The following SDK1 variants were observed in gnomAD, a reference collection of about 807,000 sequenced individuals.
SDK1 encodes the protein sidekick cell adhesion molecule 1, also known as protein sidekick-1.
Under a neutral mutation model 245.5 loss-of-function variants are expected in SDK1, and 157 were observed. That is an observed-to-expected ratio of 0.64 (90% CI 0.56 to 0.73). SDK1 has a LOEUF of 0.73. Ranked by LOEUF, SDK1 falls within the 30% of genes least tolerant of loss-of-function variation. The pLI is 0.00. For missense variants in SDK1, 3,583 were observed against 3,002.3 expected (o/e 1.19, Z -4.52); for synonymous variants, 1,647 against 1,278.5 (o/e 1.29, Z -6.15).
chr7:3,359,915 A>G (rs1296582891), intron 1 of SDK1, among the ~76,000 whole-genome samples: 1 of 152,170 alleles, frequency 6.6e-6, no homozygotes, highest in African/African-American at 2.4e-5. Flanking sequence ...GGCTGAATGA[A>G]TCTTGAGGCA....
At chr7:3,312,531 A>C (rs1411336040) in intron 1 of SDK1, among the ~76,000 whole-genome samples, 1 of 152,076 alleles carries the variant, frequency 6.6e-6, no homozygotes, top group South Asian at 2.1e-4. Flanking sequence ...AAAAGAACCC[A>C]GTAGGACTTC....
At chr7:3,995,415 G>GGCGCTGGGGA (rs1341773202) in intron 14 of SDK1, among the ~76,000 whole-genome samples, 3 of 151,572 alleles carry the variant, frequency 2.0e-5, no homozygotes, top group Non-Finnish European at 4.4e-5. Flanking sequence ...CTCCCTTGGG[G>GGCGCTGGGGA]GCGCTGTCCT....
chr7:3,363,479 G>A (rs1309951954), intron 1 of SDK1, among the ~76,000 whole-genome samples: 1 of 151,986 alleles, frequency 6.6e-6, no homozygotes, highest in Non-Finnish European at 1.5e-5. Context: ...TAAGTGCCTA[G>A]GAATTCAGTT....
chr7:3,669,307 A>T (rs1783624912), intron 4 of SDK1, among the ~76,000 whole-genome samples: 1 of 152,222 alleles, frequency 6.6e-6, no homozygotes, highest in Non-Finnish European at 1.5e-5. Context: ...ATACAGAAAC[A>T]GATTAACTAC....
chr7:3,932,135 C>T (rs1779998473), intron 5 of SDK1, among the ~76,000 whole-genome samples: 1 of 152,156 alleles, frequency 6.6e-6, no homozygotes, highest in Non-Finnish European at 1.5e-5. Context: ...GGAATTAGGA[C>T]TTCATTTTTT....
intron 1 of SDK1, among the ~76,000 whole-genome samples, chr7:3,350,058 A>G (rs542406700): frequency 1.3e-5 from 2 of 152,326 alleles, no homozygotes; most frequent in East Asian, 1.9e-4. Flanking sequence ...ATGTAGCCCA[A>G]TAACAAAAGG....
rs201631192 is a variant in SDK1 at position 3,764,698 on chromosome 7, TA to T, written c.714-56743del. ...CTCTGTCTCAAAAAATAAAAAAATC[TA>T]AAAAAAAATAATCATCCTAAACATA... On this transcript the variant is annotated intron_variant, in intron 4 of 44. Coordinates refer to ENST00000404826, the MANE Select transcript of SDK1 (RefSeq NM_152744.4). Among the ~76,000 whole-genome samples, 9 of 150,336 alleles carry T rather than the reference TA, an allele frequency of 6.0e-5. No individual in the cohort carries two copies. The East Asian group carries it at 1.6e-3, about 26-fold the overall frequency.
chr7:4,128,247 T>G (rs1784522326), intron 26 of SDK1, among the ~76,000 whole-genome samples: 2 of 152,128 alleles, frequency 1.3e-5, no homozygotes. Flanking sequence ...TCCTCCACCT[T>G]TCCGTACTTC....
At chr7:3,630,256 C>T (rs1782249599) in intron 2 of SDK1, among the ~76,000 whole-genome samples, 2 of 152,108 alleles carry the variant, frequency 1.3e-5, no homozygotes, top group South Asian at 4.2e-4. Flanking sequence ...GAGTTACCAG[C>T]CAGTGCAATA....
intron 5 of SDK1, among the ~76,000 whole-genome samples, chr7:3,821,848 A>G (rs974862933): frequency 2.0e-5 from 3 of 152,168 alleles, no homozygotes; most frequent in East Asian, 1.9e-4. Context: ...TTTGCTTTTT[A>G]TACACAGTCA....
chr7:3,637,461 C>T (rs1445580981), intron 2 of SDK1, among the ~76,000 whole-genome samples: 1 of 152,172 alleles, frequency 6.6e-6, no homozygotes, highest in African/African-American at 2.4e-5. Context: ...CTTAATTTGT[C>T]TGTGAACGTG....
intron 5 of SDK1, among the ~76,000 whole-genome samples, chr7:3,886,304 C>G (rs537203730): frequency 1.3e-5 from 2 of 152,310 alleles, no homozygotes; most frequent in South Asian, 4.1e-4. Context: ...AGAGAGAAAG[C>G]TGTTAGGCAA....
intron 4 of SDK1, among the ~76,000 whole-genome samples, chr7:3,759,478 T>G (rs1401634690): frequency 6.6e-6 from 1 of 152,206 alleles, no homozygotes; most frequent in Non-Finnish European, 1.5e-5. Flanking sequence ...CCAGCGACTG[T>G]GGACTGTCTC....
In SDK1 at chr7:3,650,600, C is replaced by G. The variant is rs541121573; in HGVS notation, c.713+8495C>G. Among the ~76,000 whole-genome samples the G allele has an allele frequency of 2.6e-5, 4 of 152,236 alleles. No individual in the cohort carries two copies. The South Asian group carries it at 8.3e-4, about 32-fold the overall frequency. ...GTTGAGATCTTGTTAAACTGTGTTA[C>G]GGTATCACAACCAGGATACTGACTT... On this transcript the variant is annotated intron_variant, in intron 4 of 44. Transcript: ENST00000404826.
Position 4,194,395 on chromosome 7 carries a change from C to G in SDK1, c.5099-11484C>G, listed in dbSNP as rs10274810. On this transcript the variant is annotated intron_variant, in intron 35 of 44. Transcript: ENST00000404826. ...ATACATGTATGTGTATACATGTATACATATATGTATGCACATATGTGTATA... is the reference window on the plus strand; with the variant it reads ...ATACATGTATGTGTATACATGTATAGATATATGTATGCACATATGTGTATA... Among the ~76,000 whole-genome samples the G allele has an allele frequency of 3.4e-3, 221 of 64,566 alleles. 1 individual carries two copies. The highest frequency in any genetic ancestry group is 0.017 in the Middle Eastern group (1 of 58). The allele number at this position is 64,566 out of a possible 152,430, so 42.4% of individuals were successfully genotyped here.
intron 1 of SDK1, among the ~76,000 whole-genome samples, chr7:3,592,198 A>C (rs1349275799): frequency 6.6e-6 from 1 of 152,188 alleles, no homozygotes; most frequent in Non-Finnish European, 1.5e-5. Flanking sequence ...TCCTCAAGTC[A>C]TTATAAGAAT....
intron 1 of SDK1, among the ~76,000 whole-genome samples, chr7:3,392,527 G>C (rs1229391635): frequency 6.6e-6 from 1 of 152,034 alleles, no homozygotes; most frequent in Non-Finnish European, 1.5e-5. Context: ...ATTGTATTCA[G>C]TGTTGTATGG....
intron 4 of SDK1, among the ~76,000 whole-genome samples, chr7:3,806,263 G>A (rs1355960817): frequency 6.6e-6 from 1 of 152,142 alleles, no homozygotes; most frequent in Admixed American, 6.5e-5. Flanking sequence ...CCTTTCCCAT[G>A]TGAGGTAACG....
intron 8 of SDK1, among the ~76,000 whole-genome samples, chr7:3,962,202 T>A (rs1415633416): frequency 6.6e-6 from 1 of 152,236 alleles, no homozygotes; most frequent in Non-Finnish European, 1.5e-5. Flanking sequence ...TAATGTATTC[T>A]GCCCAAGGTG....
Sources: allele counts gnomAD v4.1 joint callset (sites outside exome capture counted in the v4.1 genomes callset), GRCh38; gene constraint gnomAD v4.1.1; transcripts MANE v1.5; gene names NCBI Gene and HGNC (gene_info 2026-07-23, HGNC 2026-07-21).